The following ANKFN1 variants were observed in gnomAD, a reference collection of about 807,000 sequenced individuals.
The protein encoded by ANKFN1 is ankyrin repeat and fibronectin type III domain containing 1, also known as ankyrin repeat and fibronectin type-III domain-containing protein 1.
ANKFN1 carries 74 observed loss-of-function variants against 108.7 expected under a neutral mutation model. The ratio of observed to expected loss-of-function variants is 0.68; its 90% CI spans 0.56 to 0.83. The LOEUF (loss-of-function observed/expected upper bound fraction) is 0.83, where lower values mean the gene tolerates loss of function less well. Among genes scored for constraint, ANKFN1 ranks in the 40% least tolerant of loss-of-function variants. ANKFN1 has a pLI of 0.00. For synonymous variants in ANKFN1, 547 were observed against 516.2 expected (o/e 1.06, Z -0.81); for missense variants, 1,505 against 1,382.3 (o/e 1.09, Z -1.41).
chr17:56,159,716 A>G (rs1909464400), intron 1 of ANKFN1, among the ~76,000 whole-genome samples: 1 of 152,184 alleles, frequency 6.6e-6, no homozygotes, highest in African/African-American at 2.4e-5. Context: ...TTTCTTGAAC[A>G]TCGTCAGTCT....
chr17:56,466,373 C>A lies in ANKFN1; in HGVS notation c.1575C>A (p.His525Gln). 4 of 1,614,124 alleles carry A rather than the reference C, an allele frequency of 2.5e-6. No homozygotes were observed. Among genetic ancestry groups the A allele is most frequent in the Non-Finnish European group, 3.4e-6 (4 of 1,179,992 alleles). ...TAQLQNLLGT[H>Q]NLGRVYYEPI... ...GTTTCCAGAATTTACTTGGGACACACAACTTGGGAAGAGTTTACTATGAGC... is the reference window on the plus strand; with the variant it reads ...GTTTCCAGAATTTACTTGGGACACAAAACTTGGGAAGAGTTTACTATGAGC... Residue 525 changes from histidine to glutamine, a missense_variant, in exon 15 of 21, where the codon CAC becomes CAA. Coordinates refer to ENST00000682825, the MANE Select transcript of ANKFN1 (RefSeq NM_001370326.1).
intron 17 of ANKFN1, 133 bp from the exon 18 acceptor site, chr17:56,482,223 T>A (rs995472156): frequency 6.4e-6 from 5 of 776,466 alleles, no homozygotes; most frequent in Non-Finnish European, 1.0e-5. Context: ...TGAACCCTAA[T>A]ATTTATGTTG....
intron 11 of ANKFN1, among the ~76,000 whole-genome samples, chr17:56,455,756 A>G (rs1009886956): frequency 6.6e-6 from 1 of 152,248 alleles, no homozygotes; most frequent in African/African-American, 2.4e-5. Context: ...TATAAGCAGA[A>G]GACCTGAACA....
intron 1 of ANKFN1, among the ~76,000 whole-genome samples, chr17:56,205,999 T>G (rs1055715536): frequency 2.6e-5 from 4 of 152,202 alleles, no homozygotes; most frequent in Non-Finnish European, 5.9e-5. Context: ...TTGAAATTTA[T>G]TTTTCTGCTT....
In ANKFN1 at chr17:56,511,571, C is replaced by T. The variant is rs1222062112; in HGVS notation, c.*302C>T. 6.5e-6 allele frequency: 2 copies of T among 307,858 alleles called. No homozygotes were observed. The highest frequency in any genetic ancestry group is 1.2e-5 in the Non-Finnish European group (2 of 167,164). 19.1% of individuals were successfully genotyped at this position (307,858 alleles called of 1,614,324 possible). ...GGTGGCACCTATGACTGAAGCTGGCCATCCCAAAGAGAGACCCTCTGTTCT... is the reference window on the plus strand; with the variant it reads ...GGTGGCACCTATGACTGAAGCTGGCTATCCCAAAGAGAGACCCTCTGTTCT... On this transcript the variant is annotated 3_prime_UTR_variant, in exon 21 of 21. Coordinates refer to ENST00000682825, the MANE Select transcript of ANKFN1 (RefSeq NM_001370326.1).
At chr17:56,365,348 T>C (rs1010371812) in intron 6 of ANKFN1, among the ~76,000 whole-genome samples, 3 of 152,184 alleles carry the variant, frequency 2.0e-5, no homozygotes, top group Admixed American at 6.5e-5. Flanking sequence ...AACAAGTATT[T>C]TGATTTATTT....
At chr17:56,447,879 G>T (rs896711757) in intron 10 of ANKFN1, among the ~76,000 whole-genome samples, 1 of 152,210 alleles carries the variant, frequency 6.6e-6, no homozygotes, top group Admixed American at 6.5e-5. Context: ...GCTAGGAATT[G>T]TAGGAGTCAG....
intron 3 of ANKFN1, among the ~76,000 whole-genome samples, chr17:56,285,414 C>T (rs1037255069): frequency 1.3e-5 from 2 of 152,188 alleles, no homozygotes; most frequent in African/African-American, 4.8e-5. Flanking sequence ...TGCCTGCCTG[C>T]TCTCCATACA....
intron 4 of ANKFN1, among the ~76,000 whole-genome samples, chr17:56,096,889 G>A (rs9903759): frequency 0.094 from 14,249 of 152,178 alleles, 1,020 homozygotes; most frequent in African/African-American, 0.2. Context: ...TAAGCTGGAT[G>A]AAGAAAATGT....
At chr17:56,049,035 G>T (rs929016743) in intron 4 of ANKFN1, among the ~76,000 whole-genome samples, 1 of 152,210 alleles carries the variant, frequency 6.6e-6, no homozygotes, top group Non-Finnish European at 1.5e-5. Flanking sequence ...CAGACAGGGC[G>T]CAAGGATTTC....
intron 1 of ANKFN1, among the ~76,000 whole-genome samples, chr17:56,171,921 T>C (rs1421732019): frequency 6.6e-6 from 1 of 152,026 alleles, no homozygotes; most frequent in Non-Finnish European, 1.5e-5. Context: ...TTTATCACCC[T>C]AACATTTAAC....
chr17:56,094,880 C>A (rs1018202234), intron 4 of ANKFN1, among the ~76,000 whole-genome samples: 1 of 150,626 alleles, frequency 6.6e-6, no homozygotes, highest in South Asian at 2.1e-4. Context: ...AGACTGTGCA[C>A]GTAAGCTATT....
chr17:56,057,092 A>T (rs961996381), intron 4 of ANKFN1, among the ~76,000 whole-genome samples: 3 of 152,220 alleles, frequency 2.0e-5, no homozygotes, highest in Non-Finnish European at 4.4e-5. Flanking sequence ...TTCTTTGCTC[A>T]TGCATAAGAA....
At chr17:56,182,042 CTT>C (rs1911730426) in intron 1 of ANKFN1, among the ~76,000 whole-genome samples, 1 of 152,168 alleles carries the variant, frequency 6.6e-6, no homozygotes. Context: ...TGATAGCAAA[CTT>C]AATCAACAAA....
chr17:56,421,440 A>T (rs946378596), intron 8 of ANKFN1, among the ~76,000 whole-genome samples: 5 of 152,216 alleles, frequency 3.3e-5, no homozygotes, highest in African/African-American at 1.2e-4. Flanking sequence ...CATTCATCTG[A>T]TGCTCATTCA....
intron 8 of ANKFN1, among the ~76,000 whole-genome samples, chr17:56,425,564 A>G (rs1477529938): frequency 6.6e-6 from 1 of 152,196 alleles, no homozygotes; most frequent in Non-Finnish European, 1.5e-5. Flanking sequence ...TTCTAAAGTC[A>G]CACTCCCATC....
intron 4 of ANKFN1, among the ~76,000 whole-genome samples, chr17:56,343,480 T>G (rs909037441): frequency 6.6e-6 from 1 of 151,984 alleles, no homozygotes; most frequent in African/African-American, 2.4e-5. Context: ...TTGAGGATCC[T>G]TGTAATGTGA....
rs569979534 is a variant in ANKFN1, at chr17:56,514,311, G to A, written c.*3042G>A. Among the ~76,000 whole-genome samples the A allele has an allele frequency of 3.4e-4, 52 of 152,286 alleles. 2 individuals are homozygous for A. The South Asian group carries it at 9.5e-3, about 28-fold the overall frequency. On this transcript the variant is annotated 3_prime_UTR_variant, in exon 21 of 21. Transcript: ENST00000682825. Reference sequence around the variant, plus strand: ...TGTGAAACATAGTCCTAGGCCACAAGAAGCTCACAATCTGATCTAAGAATG... The same window carrying A: ...TGTGAAACATAGTCCTAGGCCACAAAAAGCTCACAATCTGATCTAAGAATG...
intron 8 of ANKFN1, among the ~76,000 whole-genome samples, chr17:56,376,510 C>T (rs760666356): frequency 1.1e-4 from 17 of 152,118 alleles, no homozygotes; most frequent in Non-Finnish European, 1.9e-4. Flanking sequence ...TAGATATGGA[C>T]GTTTTCTTTC....
Sources: gnomAD v4.1 joint callset for allele counts (sites outside exome capture counted in the v4.1 genomes callset) on GRCh38, gnomAD v4.1.1 for gene constraint, MANE v1.5 for transcripts, NCBI Gene and HGNC (gene_info 2026-07-23, HGNC 2026-07-21) for gene names.